Variants in MSRA observed in about 807,000 individuals in gnomAD.
The protein encoded by MSRA is methionine sulfoxide reductase A, also known as mitochondrial peptide methionine sulfoxide reductase.
MSRA carries 54 observed loss-of-function variants against 31.3 expected under a neutral mutation model. That is an observed-to-expected ratio of 1.73 (90% CI 1.39 to 2.17). The LOEUF is 2.17. Among genes scored for constraint, MSRA ranks in the 30% most tolerant of loss-of-function variants. MSRA has a pLI of 0.00. For missense variants in MSRA, 507 were observed against 300.9 expected (o/e 1.69, Z -5.07); for synonymous variants, 169 against 116.5 (o/e 1.45, Z -2.90).
At chr8:10,073,748 T>C (rs1380231473) in intron 1 of MSRA, among the ~76,000 whole-genome samples, 1 of 152,144 alleles carries the variant, frequency 6.6e-6, no homozygotes, top group Non-Finnish European at 1.5e-5. Flanking sequence ...TTCTACTCTT[T>C]GTCTGTATTT....
At chr8:10,124,506 TA>T (rs1801357548) in intron 1 of MSRA, among the ~76,000 whole-genome samples, 1 of 152,260 alleles carries the variant, frequency 6.6e-6, no homozygotes, top group South Asian at 2.1e-4. Context: ...TGGAAAATTC[TA>T]AAAGTGACTG....
chr8:10,062,374 T>A (rs1488916737), intron 1 of MSRA, among the ~76,000 whole-genome samples: 3 of 152,226 alleles, frequency 2.0e-5, no homozygotes, highest in Non-Finnish European at 2.9e-5. Flanking sequence ...ATCTTCTACA[T>A]GCTGCTCTTA....
At chr8:10,261,515 G>A (rs751602172) in intron 3 of MSRA, among the ~76,000 whole-genome samples, 2 of 152,032 alleles carry the variant, frequency 1.3e-5, no homozygotes, top group Admixed American at 6.6e-5. Flanking sequence ...GGGCAAGAAA[G>A]CAAGGCATTC....
chr8:10,280,766 G>T (rs1476985145), intron 3 of MSRA, among the ~76,000 whole-genome samples: 1 of 152,162 alleles, frequency 6.6e-6, no homozygotes, highest in African/African-American at 2.4e-5. Flanking sequence ...GCCATAAAGT[G>T]GAAACAACCC....
chr8:10,339,642 C>T (rs1427701492), intron 5 of MSRA, among the ~76,000 whole-genome samples: 7 of 148,138 alleles, frequency 4.7e-5, no homozygotes, highest in East Asian at 2.1e-4. Flanking sequence ...CCCAGGTTCA[C>T]GCCATTCTCC....
At chr8:10,096,213 G>A (rs1799147537) in intron 1 of MSRA, 1 of 1,249,288 alleles carries the variant, frequency 8.0e-7, no homozygotes, top group South Asian at 3.3e-5. Flanking sequence ...TATTTCTGCT[G>A]CTTCATGCTG....
chr8:10,417,082 C>G (rs1411617779), intron 5 of MSRA, among the ~76,000 whole-genome samples: 3 of 152,150 alleles, frequency 2.0e-5, no homozygotes, highest in Non-Finnish European at 2.9e-5. Flanking sequence ...CGAAGAAGCC[C>G]CATCCGTCCA....
At position 10,381,581 on chromosome 8, in the gene MSRA, G is replaced by C. The variant is rs533376420; in HGVS notation, c.544-46567G>C. 2.2e-4 allele frequency among the ~76,000 whole-genome samples: 33 copies of C among 152,292 alleles called. 1 individual carries two copies. The highest frequency in any genetic ancestry group is 7.7e-4 in the African/African-American group (32 of 41,560). ...ATCTGCTGTCCTGGAGACTAGGCTGGTAGAGGTGGGAACGAACACACATGC... is the reference window on the plus strand; with the variant it reads ...ATCTGCTGTCCTGGAGACTAGGCTGCTAGAGGTGGGAACGAACACACATGC... On this transcript the variant is annotated intron_variant, in intron 5 of 5. Transcript: ENST00000317173.
intron 5 of MSRA, chr8:10,337,738 G>A: frequency 1.4e-6 from 1 of 702,646 alleles, no homozygotes; most frequent in South Asian, 1.5e-5. Context: ...CCTCAGCCAT[G>A]CTGGGGCTCA....
intron 5 of MSRA, among the ~76,000 whole-genome samples, chr8:10,324,763 G>A (rs1306322275): frequency 6.6e-6 from 1 of 152,184 alleles, no homozygotes; most frequent in Admixed American, 6.5e-5. Context: ...GGGAGGAAAA[G>A]AAGGAAGACC....
chr8:10,352,757 C>T (rs1374274915), intron 5 of MSRA, among the ~76,000 whole-genome samples: 3 of 152,042 alleles, frequency 2.0e-5, no homozygotes, highest in East Asian at 1.9e-4. Flanking sequence ...GACACGCTGC[C>T]GTCTGTGAAT....
intron 1 of MSRA, among the ~76,000 whole-genome samples, chr8:10,088,149 G>C (rs1315011024): frequency 6.6e-6 from 1 of 152,118 alleles, no homozygotes; most frequent in African/African-American, 2.4e-5. Context: ...CCACTCTCAA[G>C]AGACTTCTGT....
At chr8:10,237,283 T>C (rs1208275138) in intron 2 of MSRA, among the ~76,000 whole-genome samples, 19 of 152,236 alleles carry the variant, frequency 1.2e-4, no homozygotes, top group Non-Finnish European at 7.3e-5. Context: ...CCAGTTAAGA[T>C]GATGTTGGGT....
intron 1 of MSRA, among the ~76,000 whole-genome samples, chr8:10,144,050 T>C (rs1161662438): frequency 6.6e-6 from 1 of 152,130 alleles, no homozygotes; most frequent in Non-Finnish European, 1.5e-5. Context: ...TTGTGAAGTC[T>C]GGTGGTAACA....
chr8:10,269,302 T>C (rs1265262225), intron 3 of MSRA, among the ~76,000 whole-genome samples: 1 of 152,250 alleles, frequency 6.6e-6, no homozygotes, highest in East Asian at 1.9e-4. Context: ...TTGTCAACTA[T>C]TCTTCAGTGG....
intron 1 of MSRA, among the ~76,000 whole-genome samples, chr8:10,192,513 C>G (rs1807597287): frequency 6.6e-6 from 1 of 152,196 alleles, no homozygotes; most frequent in Admixed American, 6.5e-5. Context: ...GTGTACCTTG[C>G]AATTGAACAG....
intron 5 of MSRA, among the ~76,000 whole-genome samples, chr8:10,326,048 C>G (rs1415320519): frequency 6.6e-6 from 1 of 152,206 alleles, no homozygotes; most frequent in African/African-American, 2.4e-5. Context: ...CTTCAGAAGG[C>G]TTGGTGTTTC....
chr8:10,308,130 G>A (rs939404086), intron 4 of MSRA, among the ~76,000 whole-genome samples: 7 of 152,270 alleles, frequency 4.6e-5, no homozygotes, highest in South Asian at 2.1e-4. Flanking sequence ...TCCCAGGCTG[G>A]ATCTTTAGGC....
At chr8:10,371,330 C>T (rs570470540) in intron 5 of MSRA, among the ~76,000 whole-genome samples, 8 of 152,078 alleles carry the variant, frequency 5.3e-5, no homozygotes, top group Non-Finnish European at 7.4e-5. Context: ...AGCGCGCTCT[C>T]ATGCTGGACA....
Sources: gnomAD v4.1 joint callset for allele counts (sites outside exome capture counted in the v4.1 genomes callset) on GRCh38, gnomAD v4.1.1 for gene constraint, MANE v1.5 for transcripts, NCBI Gene and HGNC (gene_info 2026-07-23, HGNC 2026-07-21) for gene names.